LETM1: variants seen among roughly 807,000 people sequenced by gnomAD.
The protein encoded by LETM1 is mitochondrial proton/calcium exchanger protein.
A neutral mutation model predicts 74.5 loss-of-function variants in LETM1; 50 were observed. The observed-to-expected ratio is 0.67, with a 90% confidence interval of 0.53 to 0.85. LETM1 has a LOEUF of 0.85. LETM1 is among the 40% of genes least tolerant of loss of function. The pLI is 0.00. For synonymous variants in LETM1, 446 were observed against 407.1 expected, an observed-to-expected ratio of 1.10 and a Z score of -1.15; for missense variants, 824 against 967.8, an observed-to-expected ratio of 0.85 and a Z score of 1.97.
chr4:1,821,118 G>T (rs772703161), intron 10 of LETM1, among the ~76,000 whole-genome samples: 34 of 150,512 alleles, frequency 2.3e-4, no homozygotes, highest in Non-Finnish European at 3.7e-4. Flanking sequence ...TTGCTAAAAA[G>T]TGAAATTTTT....
At chr4:1,817,207 C>T (rs1374463260) in intron 11 of LETM1, among the ~76,000 whole-genome samples, 2 of 123,564 alleles carry the variant, frequency 1.6e-5, no homozygotes, top group Admixed American at 1.0e-4. Context: ...ACCATGCCAA[C>T]GCACTCCAGC....
chr4:1,814,276 A>T lies in LETM1; in HGVS notation c.*148T>A. 3.2e-6 allele frequency: 4 copies of T among 1,258,478 alleles called. No individual in the cohort carries two copies. In the South Asian group the frequency reaches 5.6e-5, roughly 18 times the overall value. 78.0% of individuals were successfully genotyped at this position (1,258,478 alleles called of 1,614,324 possible). ...GACTGAATCTCCGTGGAATGATGAA[A>T]ATTAAAATTTACTTGATTATGGAAG... On this transcript the variant is annotated 3_prime_UTR_variant, in exon 14 of 14. Transcript: ENST00000302787.
chr4:1,824,086 G>A (rs1711895815), intron 7 of LETM1, among the ~76,000 whole-genome samples: 1 of 152,198 alleles, frequency 6.6e-6, no homozygotes, highest in African/African-American at 2.4e-5. Context: ...ACTTTGGGAG[G>A]CCGAGGTGGG....
At chr4:1,826,961 C>T (rs1712010978) in intron 6 of LETM1, among the ~76,000 whole-genome samples, 1 of 152,238 alleles carries the variant, frequency 6.6e-6, no homozygotes, top group Admixed American at 6.5e-5. Context: ...TGTTCTGAGT[C>T]TCAGGTGTCG....
chr4:1,824,567 G>C (rs1711913855), intron 7 of LETM1, among the ~76,000 whole-genome samples: 1 of 152,220 alleles, frequency 6.6e-6, no homozygotes, highest in Non-Finnish European at 1.5e-5. Flanking sequence ...CTGAGGAGAA[G>C]TGGGTAGAGA....
intron 1 of LETM1, 48 bp from the exon 2 acceptor site, chr4:1,849,257 A>AC: frequency 7.5e-7 from 1 of 1,325,402 alleles, no homozygotes; most frequent in Non-Finnish European, 1.1e-6. Context: ...TCAGGGATTT[A>AC]TACTGATACC....
At chr4:1,848,715 C>CAAAAA (rs927486416) in intron 2 of LETM1, among the ~76,000 whole-genome samples, 4 of 43,872 alleles carry the variant, frequency 9.1e-5, no homozygotes, top group Non-Finnish European at 1.3e-4. Flanking sequence ...GGCTCTGTCT[C>CAAAAA]AAAAAAAAAA....
At chr4:1,822,155 C>A (rs1337542640) in intron 10 of LETM1, 26 bp downstream of exon 10, 1 of 1,378,834 alleles carries the variant, frequency 7.3e-7, no homozygotes, top group African/African-American at 1.5e-5. Context: ...CCTCAGCCTC[C>A]AGGGCCCCAG....
intron 9 of LETM1, 27 bp downstream of exon 9, chr4:1,822,961 G>A (rs182915236): frequency 1.9e-5 from 28 of 1,444,016 alleles, no homozygotes; most frequent in African/African-American, 4.4e-5. Flanking sequence ...ACAGCCCCAC[G>A]CGGCACGGAG....
chr4:1,851,858 CT>C (rs1308730454), intron 1 of LETM1, among the ~76,000 whole-genome samples: 1 of 152,226 alleles, frequency 6.6e-6, no homozygotes, highest in Non-Finnish European at 1.5e-5. Flanking sequence ...CCTACCTTCT[CT>C]CTAACACTGC....
chr4:1,849,737 G>C (rs891076249), intron 1 of LETM1, among the ~76,000 whole-genome samples: 4 of 152,142 alleles, frequency 2.6e-5, no homozygotes, highest in Non-Finnish European at 5.9e-5. Context: ...TTGTAAAGAC[G>C]GGGTTTCGTT....
chr4:1,828,776 C>CA (rs1712129943), intron 6 of LETM1, among the ~76,000 whole-genome samples: 1 of 145,604 alleles, frequency 6.9e-6, no homozygotes, highest in Non-Finnish European at 1.5e-5. Context: ...AGGCGCCCCC[C>CA]ACCCCCCGGA....
chr4:1,843,397 C>T (rs1485057452), intron 2 of LETM1, among the ~76,000 whole-genome samples: 1 of 152,208 alleles, frequency 6.6e-6, no homozygotes, highest in African/African-American at 2.4e-5. Flanking sequence ...GCTTGCAGCC[C>T]AGAGAGGGCA....
intron 2 of LETM1, 41 bp downstream of exon 2, chr4:1,849,107 GT>G (rs773536277): frequency 4.8e-6 from 7 of 1,449,074 alleles, no homozygotes; most frequent in Non-Finnish European, 6.8e-6. Context: ...TTCAAACCCT[GT>G]TTTCAAACAG....
At chr4:1,819,046 T>C (rs1711680245) in intron 11 of LETM1, among the ~76,000 whole-genome samples, 1 of 148,086 alleles carries the variant, frequency 6.8e-6, no homozygotes, top group South Asian at 2.1e-4. Context: ...ATTGTGCCAC[T>C]GCACTCTGGC....
intron 2 of LETM1, among the ~76,000 whole-genome samples, chr4:1,847,520 A>G (rs1712923340): frequency 6.6e-6 from 1 of 151,278 alleles, no homozygotes; most frequent in Non-Finnish European, 1.5e-5. Context: ...AGAACTCACT[A>G]AAGAAAATAA....
In LETM1 at chr4:1,814,242, T is replaced by C. The variant is rs1166138326; in HGVS notation, c.*182A>G. 1.4e-5 allele frequency: 14 copies of C among 1,006,612 alleles called. No homozygotes were observed. The highest frequency in any genetic ancestry group is 2.1e-5 in the Non-Finnish European group (14 of 682,924). The allele number at this position is 1,006,612 out of a possible 1,614,324, so 62.4% of individuals were successfully genotyped here. A position where few individuals can be genotyped will look rare whatever the true frequency, so the allele number is the denominator to read the frequency against. On this transcript the variant is annotated 3_prime_UTR_variant, in exon 14 of 14. Transcript: ENST00000302787. ...ACGATTCTGTGGAGGGGTTCCGGGA[T>C]TCCAGACAGACTGAATCTCCGTGGA...
intron 8 of LETM1, 115 bp from the exon 9 acceptor site, chr4:1,823,246 C>A (rs532839244): frequency 3.7e-6 from 5 of 1,338,246 alleles, no homozygotes; most frequent in South Asian, 1.5e-5. Flanking sequence ...GGGCTTCACA[C>A]ACACAGGACA....
chr4:1,826,807 T>C (rs1057237217), intron 6 of LETM1, among the ~76,000 whole-genome samples: 1 of 152,242 alleles, frequency 6.6e-6, no homozygotes, highest in African/African-American at 2.4e-5. Flanking sequence ...TCCGTTTGAT[T>C]TCGCTCTGGT....
Sources: allele counts gnomAD v4.1 joint callset (sites outside exome capture counted in the v4.1 genomes callset), GRCh38; gene constraint gnomAD v4.1.1; transcripts MANE v1.5; gene names NCBI Gene and HGNC (gene_info 2026-07-23, HGNC 2026-07-21).